Variants in SPMIP4 observed in about 807,000 individuals in gnomAD.
SPMIP4 encodes sperm microtubule inner protein 4.
chr7:25,164,317 A>T, the SPMIP4 span, among the ~76,000 whole-genome samples: 1 of 152,184 alleles, frequency 6.6e-6, no homozygotes, highest in Non-Finnish European at 1.5e-5. Context: ...TGAATTGATA[A>T]TGATGTGGTA....
the SPMIP4 span, among the ~76,000 whole-genome samples, chr7:25,157,085 C>A: frequency 1.3e-5 from 2 of 151,872 alleles, no homozygotes; most frequent in Non-Finnish European, 2.9e-5. Context: ...CAAAACCCCA[C>A]GATGATGGGG....
chr7:25,180,348 G>T, the SPMIP4 span: 1 of 152,358 alleles, frequency 6.6e-6, no homozygotes, highest in Non-Finnish European at 1.5e-5. Context: ...GAGGCGAGAG[G>T]GGCTCTTCCG....
the SPMIP4 span, among the ~76,000 whole-genome samples, chr7:25,177,794 T>A: frequency 6.6e-6 from 1 of 152,236 alleles, no homozygotes; most frequent in Non-Finnish European, 1.5e-5. Context: ...ATTATTTTCA[T>A]TGTAATTTTT....
the SPMIP4 span, among the ~76,000 whole-genome samples, chr7:25,168,710 T>C: frequency 3.3e-5 from 5 of 151,294 alleles, no homozygotes; most frequent in Non-Finnish European, 7.4e-5. Context: ...AGTTATAGTG[T>C]GTTTATTTTT....
the SPMIP4 span, among the ~76,000 whole-genome samples, chr7:25,165,045 C>A: frequency 6.6e-6 from 1 of 152,074 alleles, no homozygotes; most frequent in Non-Finnish European, 1.5e-5. Flanking sequence ...TGGGCTGGTT[C>A]CGTATTTTTG....
the SPMIP4 span, among the ~76,000 whole-genome samples, chr7:25,145,288 G>T: frequency 2.0e-5 from 3 of 152,124 alleles, no homozygotes; most frequent in African/African-American, 7.2e-5. Flanking sequence ...AAAAAATATT[G>T]TTCTATGAGG....
the SPMIP4 span, among the ~76,000 whole-genome samples, chr7:25,130,737 T>C: frequency 6.6e-6 from 1 of 152,228 alleles, no homozygotes; most frequent in African/African-American, 2.4e-5. Flanking sequence ...GGGTTAGTTT[T>C]GGGAAGGAAG....
At chr7:25,179,293 C>T in the SPMIP4 span, 48 of 1,611,302 alleles carry the variant, frequency 3.0e-5, no homozygotes, top group South Asian at 3.6e-4. Flanking sequence ...TAGGGCCTGC[C>T]GTGAATGACT....
At chr7:25,135,292 A>G in the SPMIP4 span, 3 of 980,782 alleles carry the variant, frequency 3.1e-6, no homozygotes, top group African/African-American at 3.5e-5. Context: ...TCTGCATAAA[A>G]GAAACAGTTA....
chr7:25,177,850 A>C, the SPMIP4 span, among the ~76,000 whole-genome samples: 1 of 152,226 alleles, frequency 6.6e-6, no homozygotes, highest in South Asian at 2.1e-4. Flanking sequence ...ATGCAGGTTC[A>C]TTATACAGGT....
At chr7:25,143,960 G>T in the SPMIP4 span, among the ~76,000 whole-genome samples, 1 of 152,180 alleles carries the variant, frequency 6.6e-6, no homozygotes, top group African/African-American at 2.4e-5. Context: ...ATGGGGAAGT[G>T]GAGCTGGGAA....
At chr7:25,125,896 A>G in the SPMIP4 span, 11 of 985,296 alleles carry the variant, frequency 1.1e-5, no homozygotes, top group Non-Finnish European at 1.2e-5. Flanking sequence ...TTTCAGTCAC[A>G]TTCCAGCTCT....
the SPMIP4 span, among the ~76,000 whole-genome samples, chr7:25,144,006 T>C: frequency 6.6e-6 from 1 of 152,156 alleles, no homozygotes; most frequent in Non-Finnish European, 1.5e-5. Context: ...GGCCATGTCA[T>C]GTTATATGCA....
the SPMIP4 span, chr7:25,155,029 T>C: frequency 5.6e-6 from 9 of 1,613,778 alleles, no homozygotes; most frequent in Admixed American, 6.7e-5. Flanking sequence ...TTCAAAACTG[T>C]TGAATCATAA....
the SPMIP4 span, among the ~76,000 whole-genome samples, chr7:25,140,324 T>TG: frequency 6.6e-6 from 1 of 152,160 alleles, no homozygotes; most frequent in Non-Finnish European, 1.5e-5. Context: ...TATTTTGAGA[T>TG]GGAGTCTCAC....
At chr7:25,139,138 C>T in the SPMIP4 span, among the ~76,000 whole-genome samples, 3 of 151,804 alleles carry the variant, frequency 2.0e-5, no homozygotes, top group African/African-American at 7.3e-5. Flanking sequence ...TGTGCAATTG[C>T]ATTGAACTTT....
the SPMIP4 span, chr7:25,155,037 T>C: frequency 7.4e-6 from 12 of 1,614,012 alleles, no homozygotes; most frequent in South Asian, 1.1e-4. Context: ...TGTTGAATCA[T>C]AAGCCTTGGT....
At chr7:25,163,986 T>C in the SPMIP4 span, among the ~76,000 whole-genome samples, 1 of 152,200 alleles carries the variant, frequency 6.6e-6, no homozygotes, top group Non-Finnish European at 1.5e-5. The surrounding 1 kb of genome is among the most constrained non-coding windows in gnomAD (Gnocchi z 4.4). Context: ...ATTCACCGTA[T>C]TGATAGAATG....
At chr7:25,146,908 G>A in the SPMIP4 span, among the ~76,000 whole-genome samples, 2 of 152,194 alleles carry the variant, frequency 1.3e-5, no homozygotes, top group Admixed American at 6.5e-5. Context: ...TATCCTAAAA[G>A]CTAAGGCTAG....
Sources: allele counts gnomAD v4.1 joint callset (sites outside exome capture counted in the v4.1 genomes callset), GRCh38; gene constraint gnomAD v4.1.1; non-coding constraint Gnocchi (gnomAD v3.1); transcripts MANE v1.5; gene names NCBI Gene and HGNC (gene_info 2026-07-23, HGNC 2026-07-21).